ZNF831: variants seen among roughly 807,000 people sequenced by gnomAD.
ZNF831 encodes the protein chromosome 20 open reading frame 174.
A neutral mutation model predicts 95.8 loss-of-function variants in ZNF831; 59 were observed. The ratio of observed to expected loss-of-function variants is 0.62; its 90% CI spans 0.50 to 0.77. ZNF831 has a LOEUF of 0.77. Among genes scored for constraint, ZNF831 ranks in the 30% least tolerant of loss-of-function variants. ZNF831 has a pLI of 0.00. For synonymous variants in ZNF831, 961 were observed against 925.5 expected, an observed-to-expected ratio of 1.04 and a Z score of -0.70; for missense variants, 2,205 against 2,164.0, an observed-to-expected ratio of 1.02 and a Z score of -0.38.
chr20:59,253,836 A>G, intron 5 of ZNF831, 62 bp from the exon 6 acceptor site: 1 of 1,486,192 alleles, frequency 6.7e-7, no homozygotes, highest in South Asian at 1.3e-5. Flanking sequence ...TTCTGACCAC[A>G]TTTTTCTTTG....
intron 1 of ZNF831, among the ~76,000 whole-genome samples, chr20:59,172,086 C>G (rs974107407): frequency 6.6e-6 from 1 of 152,128 alleles, no homozygotes; most frequent in African/African-American, 2.4e-5. Flanking sequence ...TGCCTTAGTT[C>G]TGAAAACTGG....
At chr20:59,240,085 G>A (rs1263049523) in intron 4 of ZNF831, among the ~76,000 whole-genome samples, 1 of 152,108 alleles carries the variant, frequency 6.6e-6, no homozygotes. Context: ...GGGAAGGTTT[G>A]TGTATTTTTT....
intron 4 of ZNF831, among the ~76,000 whole-genome samples, chr20:59,230,268 G>C (rs530019486): frequency 6.6e-6 from 1 of 152,222 alleles, no homozygotes; most frequent in Non-Finnish European, 1.5e-5. Context: ...GGAGAAAACA[G>C]CTACAGACAA....
At position 59,191,352 on chromosome 20, in the gene ZNF831, T is replaced by C. The variant is rs2146546478; in HGVS notation, c.333T>C (p.Pro111=). 6.2e-7 allele frequency: 1 copy of C among 1,607,942 alleles called. No individual in the cohort carries two copies. The highest frequency in any genetic ancestry group is 8.5e-7 in the Non-Finnish European group (1 of 1,177,156). The change falls in exon 2 of 6, where the codon CCT becomes CCC. Residue 111 remains proline, a synonymous_variant. Transcript: ENST00000371030. ...CCCAGGTGGGGAAGCCGGCGGCCCC[T>C]ACGCTGACGGTGAACATCGTGGGCA... The part of the protein sequence containing the change: ...GPTQVGKPAA[P]TLTVNIVGTL...
At chr20:59,173,558 G>T (rs1161992814) in intron 1 of ZNF831, among the ~76,000 whole-genome samples, 1 of 152,160 alleles carries the variant, frequency 6.6e-6, no homozygotes, top group African/African-American at 2.4e-5. Flanking sequence ...AGCTTCCAAG[G>T]CACATGTTCT....
rs113052191 is a variant in ZNF831, at chr20:59,175,539, G to A, written c.-37+11332G>A. ...CTGTCCTGTCCATTTTGCTGTTGAG[G>A]GCATCCACTGAGTTTTTACATTTTT... On this transcript the variant is annotated intron_variant, in intron 1 of 5. Coordinates refer to ENST00000371030, the MANE Select transcript of ZNF831 (RefSeq NM_178457.3). Among the ~76,000 whole-genome samples, 297 of 151,506 alleles carry A rather than the reference G, an allele frequency of 2.0e-3. 2 individuals carry two copies. The highest frequency in any genetic ancestry group is 5.6e-3 in the African/African-American group (231 of 41,290).
intron 4 of ZNF831, among the ~76,000 whole-genome samples, chr20:59,232,265 AAAG>A (rs1986765202): frequency 7.5e-6 from 1 of 132,476 alleles, no homozygotes; most frequent in African/African-American, 3.5e-5. Context: ...CTACCTTTTT[AAAG>A]AAGAAAAAAA....
At chr20:59,246,068 C>G (rs181829575) in intron 4 of ZNF831, among the ~76,000 whole-genome samples, 2 of 152,088 alleles carry the variant, frequency 1.3e-5, no homozygotes, top group Non-Finnish European at 2.9e-5. Context: ...TTGTTCATCA[C>G]GGGCCTGGGC....
chr20:59,209,517 G>C (rs1985142605), intron 4 of ZNF831, among the ~76,000 whole-genome samples: 1 of 152,232 alleles, frequency 6.6e-6, no homozygotes, highest in Non-Finnish European at 1.5e-5. Flanking sequence ...AGTTCAGATA[G>C]AGTGTAGGTG....
At chr20:59,183,262 C>T (rs111912486) in intron 1 of ZNF831, among the ~76,000 whole-genome samples, 2,786 of 152,302 alleles carry the variant, frequency 0.018, 43 homozygotes, top group African/African-American at 0.047. Context: ...ACCTTACCCT[C>T]CTGCCTGGAC....
At chr20:59,234,776 T>G (rs1007547505) in intron 4 of ZNF831, among the ~76,000 whole-genome samples, 3 of 152,206 alleles carry the variant, frequency 2.0e-5, no homozygotes, top group Non-Finnish European at 4.4e-5. Flanking sequence ...TAATAAACTT[T>G]TAATTTTATA....
chr20:59,189,178 C>G (rs1983305759), intron 1 of ZNF831, among the ~76,000 whole-genome samples: 1 of 149,828 alleles, frequency 6.7e-6, no homozygotes, highest in African/African-American at 2.5e-5. Context: ...AGGACGCCAT[C>G]TCAAAAAAAA....
intron 1 of ZNF831, among the ~76,000 whole-genome samples, chr20:59,168,455 GT>G (rs71183161): frequency 0.096 from 10,880 of 113,652 alleles, 429 homozygotes; most frequent in East Asian, 0.23. Context: ...GTGCGAGGAG[GT>G]TTTTTTTTTT....
At chr20:59,242,172 TC>T (rs1001638767) in intron 4 of ZNF831, among the ~76,000 whole-genome samples, 3 of 152,134 alleles carry the variant, frequency 2.0e-5, no homozygotes, top group African/African-American at 2.4e-5. Flanking sequence ...AGCCCATTTT[TC>T]CCCCCTCAGG....
chr20:59,177,383 A>T (rs1982250803), intron 1 of ZNF831, among the ~76,000 whole-genome samples: 1 of 152,172 alleles, frequency 6.6e-6, no homozygotes, highest in Non-Finnish European at 1.5e-5. Context: ...AGTTCCTCTG[A>T]TTCAGTGTGT....
chr20:59,253,009 C>T lies in ZNF831; in HGVS notation c.4059C>T (p.Ala1353=). 1 of 1,613,986 alleles carries T rather than the reference C, an allele frequency of 6.2e-7. No homozygotes were observed. Among genetic ancestry groups the T allele is most frequent in the Non-Finnish European group, 8.5e-7 (1 of 1,179,940 alleles). The change falls in exon 5 of 6, where the codon GCC becomes GCT. Residue 1353 remains alanine, a synonymous_variant. Transcript: ENST00000371030. The stretch of plus-strand genomic sequence containing the variant: ...ATCTGCAAGAGGAGCCATCTTGTGC[C>T]ACCTCAGAATCACCTCCTTGTTGTG... ...GLNLQEEPSC[A]TSESPPCCGK...
At chr20:59,221,252 G>A (rs1443838125) in intron 4 of ZNF831, among the ~76,000 whole-genome samples, 3 of 152,232 alleles carry the variant, frequency 2.0e-5, no homozygotes, top group African/African-American at 4.8e-5. Flanking sequence ...CAGGGAGCTC[G>A]TAGGGATTCG....
At chr20:59,231,160 T>A (rs1568784682) in intron 4 of ZNF831, among the ~76,000 whole-genome samples, 1 of 152,240 alleles carries the variant, frequency 6.6e-6, no homozygotes, top group Non-Finnish European at 1.5e-5. Context: ...CATATCGCTT[T>A]AGCCAGAAAT....
chr20:59,232,904 G>A (rs181521935), intron 4 of ZNF831, among the ~76,000 whole-genome samples: 6 of 151,084 alleles, frequency 4.0e-5, no homozygotes, highest in East Asian at 3.9e-4. Context: ...TCCTAAACTC[G>A]GTGCTTGTAG....
Sources: gnomAD v4.1 joint callset for allele counts (sites outside exome capture counted in the v4.1 genomes callset) on GRCh38, gnomAD v4.1.1 for gene constraint, MANE v1.5 for transcripts, NCBI Gene and HGNC (gene_info 2026-07-23, HGNC 2026-07-21) for gene names.